Variants in BRWD1 observed in about 807,000 individuals in gnomAD.
The protein encoded by BRWD1 is bromodomain and WD repeat domain containing 1, also known as bromodomain and WD repeat-containing protein 1.
BRWD1 carries 82 observed loss-of-function variants against 251.2 expected under a neutral mutation model. That is an observed-to-expected ratio of 0.33 (90% CI 0.27 to 0.39). The LOEUF is 0.39. BRWD1 is among the 10% of genes least tolerant of loss of function. BRWD1 has a pLI of 1.00. For synonymous variants in BRWD1, 918 were observed against 902.8 expected (o/e 1.02, Z -0.30); for missense variants, 2,233 against 2,711.6 (o/e 0.82, Z 3.92).
Position 39,312,510 on chromosome 21 carries a change from G to GA in BRWD1, c.198+330dup, listed in dbSNP as rs2036522751. On this transcript the variant is annotated intron_variant, in intron 4 of 40. Coordinates refer to ENST00000342449, the MANE Select transcript of BRWD1 (RefSeq NM_033656.4). ...TACAAGCGCGGTGGAGCGGGGAAGC[G>GA]AATGAAACCGCCCAGTTGAATGGCT... 1.3e-5 allele frequency: 3 copies of GA among 233,634 alleles called. No individual in the cohort carries two copies. The South Asian group carries it at 1.9e-4, about 15-fold the overall frequency. 14.5% of individuals were successfully genotyped at this position (233,634 alleles called of 1,614,324 possible). A position where few individuals can be genotyped will look rare whatever the true frequency, so the allele number is the denominator to read the frequency against.
chr21:39,310,983 G>A (rs1257468677), intron 4 of BRWD1, among the ~76,000 whole-genome samples: 1 of 152,056 alleles, frequency 6.6e-6, no homozygotes, highest in East Asian at 1.9e-4. Context: ...GGGGACTGGA[G>A]GGCAGAGAGG....
chr21:39,301,803 C>T (rs2036120689), intron 4 of BRWD1, among the ~76,000 whole-genome samples: 1 of 148,674 alleles, frequency 6.7e-6, no homozygotes, highest in South Asian at 2.1e-4. Context: ...GCAACCAGAC[C>T]AAAAACAACA....
At chr21:39,302,326 G>A (rs1257783390) in intron 4 of BRWD1, among the ~76,000 whole-genome samples, 1 of 152,050 alleles carries the variant, frequency 6.6e-6, no homozygotes, top group Non-Finnish European at 1.5e-5. Flanking sequence ...TCTGCAGACA[G>A]AAGAAAAATT....
At chr21:39,315,870 C>T (rs1210381174), upstream of BRWD1, 1 of 152,142 alleles carries the variant, frequency 6.6e-6, no homozygotes, top group Non-Finnish European at 1.5e-5. Context: ...ATCAGCTTGC[C>T]TGTGCGTGGG....
intron 12 of BRWD1, 52 bp from the exon 13 acceptor site, chr21:39,274,524 G>C: frequency 7.3e-7 from 1 of 1,375,232 alleles, no homozygotes; most frequent in Non-Finnish European, 1.0e-6. Flanking sequence ...TTCCAACAAG[G>C]GCTACAATTA....
At chr21:39,214,184 C>A (rs1439125800) in intron 32 of BRWD1, among the ~76,000 whole-genome samples, 1 of 151,964 alleles carries the variant, frequency 6.6e-6, no homozygotes, top group Non-Finnish European at 1.5e-5. Flanking sequence ...CAGCTAGATG[C>A]TGAAAACGAT....
intron 4 of BRWD1, among the ~76,000 whole-genome samples, chr21:39,304,142 A>C (rs1418935084): frequency 4.7e-4 from 2 of 4,260 alleles, no homozygotes; most frequent in African/African-American, 1.2e-3. Flanking sequence ...ACTCTTTCTC[A>C]AAAAAAAAAA....
intron 4 of BRWD1, among the ~76,000 whole-genome samples, chr21:39,309,924 T>C (rs2146805240): frequency 6.6e-6 from 1 of 152,328 alleles, no homozygotes; most frequent in South Asian, 2.1e-4. Context: ...CAGTCCTTAT[T>C]TTTTAGAGAT....
At chr21:39,199,759 G>T in intron 39 of BRWD1, 97 bp from the exon 40 acceptor site, 1 of 1,230,374 alleles carries the variant, frequency 8.1e-7, no homozygotes, top group Non-Finnish European at 1.1e-6. Context: ...TTTTTTGGGG[G>T]GCGGGGAGGA....
chr21:39,307,242 T>C (rs908576391), intron 4 of BRWD1, among the ~76,000 whole-genome samples: 4 of 152,230 alleles, frequency 2.6e-5, no homozygotes, highest in Non-Finnish European at 4.4e-5. Flanking sequence ...CTTAGAAGCG[T>C]ACAGTTATTT....
intron 4 of BRWD1, among the ~76,000 whole-genome samples, chr21:39,312,400 G>C (rs551246070): frequency 4.3e-4 from 66 of 152,354 alleles, no homozygotes; most frequent in African/African-American, 1.4e-3. Context: ...TCCACCTTCA[G>C]AGACCAATGA....
Position 39,289,703 on chromosome 21 carries a change from C to T in BRWD1, c.831+4108G>A, listed in dbSNP as rs2035747869. Among the ~76,000 whole-genome samples the T allele has an allele frequency of 3.3e-5, 5 of 152,142 alleles. No individual in the cohort carries two copies. The South Asian group carries it at 1.0e-3, about 31-fold the overall frequency. On this transcript the variant is annotated intron_variant, in intron 8 of 40. Transcript: ENST00000342449. ...CAATTTAAAAATATTACTTCTTTGT[C>T]TATCAACTTCCGTTACTTCTATTAA...
Position 39,202,478 on chromosome 21 carries a change from G to T in BRWD1, c.4432C>A (p.Gln1478Lys). The T allele has an allele frequency of 6.2e-7, 1 of 1,614,008 alleles. No individual in the cohort carries two copies. The highest frequency in any genetic ancestry group is 8.5e-7 in the Non-Finnish European group (1 of 1,179,904). ...IIPELVGSPT[Q>K]STSSRTAYLG... ...TAAGCTGTCCTACTTGAGGTAGACT[G>T]GGTAGGAGAACCTACCAACTCAGGA... Residue 1478 changes from glutamine to lysine, a missense_variant, in exon 38 of 41, where the codon CAG becomes AAG. This residue lies in a region of BRWD1 where 928 missense variants were observed against 970.0 expected (regional missense o/e 0.96). Transcript: ENST00000342449.
intron 29 of BRWD1, among the ~76,000 whole-genome samples, chr21:39,220,534 C>T (rs1384917083): frequency 6.6e-6 from 1 of 152,152 alleles, no homozygotes; most frequent in East Asian, 1.9e-4. Flanking sequence ...CAAAAATATA[C>T]AGCACCCAAC....
At chr21:39,235,681 G>A (rs1406641150) in intron 23 of BRWD1, 4 of 211,510 alleles carry the variant, frequency 1.9e-5, no homozygotes, top group Non-Finnish European at 4.1e-5. Flanking sequence ...AAAGCTCTGG[G>A]TTGGATACAA....
chr21:39,194,542 G>C lies in BRWD1; in HGVS notation c.*1717C>G. 1 of 1,441,624 alleles carries C rather than the reference G, an allele frequency of 6.9e-7. No individual in the cohort carries two copies. Among genetic ancestry groups the C allele is most frequent in the East Asian group, 2.5e-5 (1 of 40,128 alleles). The allele number at this position is 1,441,624 out of a possible 1,614,324, so 89.3% of individuals were successfully genotyped here. A position where few individuals can be genotyped will look rare whatever the true frequency, so the allele number is the denominator to read the frequency against. On this transcript the variant is annotated 3_prime_UTR_variant, in exon 41 of 41. Coordinates refer to ENST00000342449, the MANE Select transcript of BRWD1 (RefSeq NM_033656.4). ...GGTGATAGCTCTCTAAGCCACAAAT[G>C]AGAGGAGGTTTCCCACCTATCTCAG...
chr21:39,278,847 T>TC, intron 9 of BRWD1, 34 bp from the exon 10 acceptor site: 2 of 1,466,694 alleles, frequency 1.4e-6, no homozygotes, highest in Non-Finnish European at 1.9e-6. Context: ...TTAAAATAGA[T>TC]TATTTTACCA....
chr21:39,225,012 G>T, intron 28 of BRWD1, 74 bp downstream of exon 28: 1 of 1,135,710 alleles, frequency 8.8e-7, no homozygotes, highest in Non-Finnish European at 1.3e-6. Context: ...TTAAAAACCA[G>T]AAATGTATTA....
chr21:39,188,386 T>C lies in BRWD1; in HGVS notation c.*7873A>G. The stretch of plus-strand genomic sequence containing the variant: ...AGATCACTGAAATAACCAGTTGATA[T>C]CCTCCACCCACACTAGACATCTGGA... On this transcript the variant is annotated 3_prime_UTR_variant, in exon 41 of 41. Coordinates refer to ENST00000342449, the MANE Select transcript of BRWD1 (RefSeq NM_033656.4). The C allele has an allele frequency of 1.0e-6, 1 of 985,380 alleles. No individual in the cohort carries two copies. Among genetic ancestry groups the C allele is most frequent in the Non-Finnish European group, 1.2e-6 (1 of 829,922 alleles). The allele number at this position is 985,380 out of a possible 1,614,324, so 61.0% of individuals were successfully genotyped here.
Sources: allele counts gnomAD v4.1 joint callset (sites outside exome capture counted in the v4.1 genomes callset), GRCh38; gene constraint gnomAD v4.1.1; regional missense constraint gnomAD v4.1.1; transcripts MANE v1.5; gene names NCBI Gene and HGNC (gene_info 2026-07-23, HGNC 2026-07-21).